The following SEMA6D variants were observed in gnomAD, a reference collection of about 807,000 sequenced individuals.
The protein encoded by SEMA6D is semaphorin-6D.
Under a neutral mutation model 106.6 loss-of-function variants are expected in SEMA6D, and 35 were observed. The ratio of observed to expected loss-of-function variants is 0.33; its 90% CI spans 0.25 to 0.44. The LOEUF is 0.44. SEMA6D is among the 20% of genes least tolerant of loss of function. The pLI is 1.00. For synonymous variants in SEMA6D, 499 were observed against 487.7 expected (o/e 1.02, Z -0.31); for missense variants, 1,185 against 1,345.9 (o/e 0.88, Z 1.87).
At chr15:47,750,732 T>C (rs2081384225) in intron 1 of SEMA6D, among the ~76,000 whole-genome samples, 1 of 152,226 alleles carries the variant, frequency 6.6e-6, no homozygotes, top group African/African-American at 2.4e-5. Context: ...AGAAGCCTCT[T>C]CCTCTAACCT....
intron 1 of SEMA6D, among the ~76,000 whole-genome samples, chr15:47,266,784 G>A (rs758135823): frequency 1.3e-5 from 2 of 152,048 alleles, no homozygotes; most frequent in Non-Finnish European, 2.9e-5. Context: ...TGCACTGTCT[G>A]GATTGGAATT....
chr15:47,225,766 G>A (rs575663873), intron 1 of SEMA6D, among the ~76,000 whole-genome samples: 1 of 152,036 alleles, frequency 6.6e-6, no homozygotes, highest in East Asian at 1.9e-4. Context: ...CTGACCTCAG[G>A]TAATCCGCCC....
At chr15:47,451,546 G>T (rs762885787) in intron 2 of SEMA6D, among the ~76,000 whole-genome samples, 3 of 151,984 alleles carry the variant, frequency 2.0e-5, no homozygotes, top group African/African-American at 7.2e-5. Context: ...ATCAGAAAAT[G>T]ACTTTGGGGA....
chr15:47,595,483 CTTG>C (rs547980808), intron 3 of SEMA6D, among the ~76,000 whole-genome samples: 194 of 152,134 alleles, frequency 1.3e-3, no homozygotes, highest in African/African-American at 4.5e-3. Flanking sequence ...TACTAGTACT[CTTG>C]TTGTTGTTGA....
chr15:47,558,364 C>T (rs2045974831), intron 3 of SEMA6D, among the ~76,000 whole-genome samples: 1 of 151,912 alleles, frequency 6.6e-6, no homozygotes, highest in South Asian at 2.1e-4. Flanking sequence ...AGCTGATGCT[C>T]ATATTTAATA....
At chr15:47,765,217 T>C in intron 13 of SEMA6D, 161 bp downstream of exon 13, 2 of 1,411,202 alleles carry the variant, frequency 1.4e-6, no homozygotes, top group Non-Finnish European at 1.8e-6. Flanking sequence ...TTTGTTTTTT[T>C]CCCGAGCCTG....
intron 3 of SEMA6D, among the ~76,000 whole-genome samples, chr15:47,582,378 C>T (rs922172928): frequency 2.0e-5 from 3 of 152,200 alleles, no homozygotes; most frequent in Non-Finnish European, 4.4e-5. Flanking sequence ...GATGGATTGA[C>T]ACTTGTTCTT....
chr15:47,445,444 AC>A (rs1183307400), intron 2 of SEMA6D, among the ~76,000 whole-genome samples: 5 of 151,878 alleles, frequency 3.3e-5, no homozygotes, highest in Non-Finnish European at 7.4e-5. Context: ...AACAATACAT[AC>A]CCATCATCCC....
At chr15:47,599,289 T>C (rs973520648) in intron 3 of SEMA6D, among the ~76,000 whole-genome samples, 1 of 152,126 alleles carries the variant, frequency 6.6e-6, no homozygotes, top group African/African-American at 2.4e-5. Flanking sequence ...GTAACTCCCC[T>C]CACTTCATTC....
intron 1 of SEMA6D, among the ~76,000 whole-genome samples, chr15:47,373,066 C>T (rs1327724824): frequency 6.6e-6 from 1 of 152,178 alleles, no homozygotes; most frequent in African/African-American, 2.4e-5. Flanking sequence ...TTTCAGAGAG[C>T]TTCATTGCCA....
intron 1 of SEMA6D, among the ~76,000 whole-genome samples, chr15:47,220,381 T>G (rs1408984742): frequency 2.0e-5 from 3 of 152,200 alleles, no homozygotes; most frequent in Non-Finnish European, 4.4e-5. Flanking sequence ...AATGGTTTAT[T>G]TGTAATATTT....
chr15:47,597,796 T>G (rs1216781307), intron 3 of SEMA6D, among the ~76,000 whole-genome samples: 11 of 151,056 alleles, frequency 7.3e-5, no homozygotes, highest in African/African-American at 2.7e-4. Context: ...GATAACTATT[T>G]AAGTTGATGG....
chr15:47,313,452 T>C (rs1161956334), intron 1 of SEMA6D, among the ~76,000 whole-genome samples: 1 of 152,236 alleles, frequency 6.6e-6, no homozygotes, highest in African/African-American at 2.4e-5. Flanking sequence ...GCTTGATAGC[T>C]ATTTTTTAGT....
intron 1 of SEMA6D, among the ~76,000 whole-genome samples, chr15:47,249,991 G>A (rs1461457805): frequency 2.6e-5 from 4 of 152,184 alleles, no homozygotes; most frequent in South Asian, 4.2e-4. Context: ...AAATAAGGTG[G>A]TATTTCATCT....
chr15:47,669,178 G>C (rs1216610606), intron 4 of SEMA6D, among the ~76,000 whole-genome samples: 1 of 151,970 alleles, frequency 6.6e-6, no homozygotes, highest in East Asian at 1.9e-4. Flanking sequence ...CATTTTTATA[G>C]TACCACTTCT....
intron 1 of SEMA6D, among the ~76,000 whole-genome samples, chr15:47,196,025 AT>A (rs11432969): frequency 1.4e-4 from 20 of 147,150 alleles, no homozygotes; most frequent in South Asian, 6.5e-4. Flanking sequence ...AAAGTTTCAG[AT>A]TTTTTTTTTT....
At chr15:47,348,710 CACACACACCACACACACAGAGAGAG>C (rs2038158260) in intron 1 of SEMA6D, among the ~76,000 whole-genome samples, 1 of 94,878 alleles carries the variant, frequency 1.1e-5, no homozygotes. Flanking sequence ...CACACACACA[CACACACACCACACACACAGAGAGAG>C]AGAGAGAGAG....
chr15:47,222,221 C>T (rs577527518), intron 1 of SEMA6D, among the ~76,000 whole-genome samples: 14 of 152,310 alleles, frequency 9.2e-5, no homozygotes, highest in Non-Finnish European at 1.9e-4. Context: ...TAGGAATAGA[C>T]ATCCTACAGA....
intron 1 of SEMA6D, among the ~76,000 whole-genome samples, chr15:47,754,835 CT>C (rs1422008543): frequency 6.6e-6 from 1 of 152,014 alleles, no homozygotes; most frequent in Non-Finnish European, 1.5e-5. Context: ...ATATTTCTGT[CT>C]GATAATTTCT....
Sources: allele counts gnomAD v4.1 joint callset (sites outside exome capture counted in the v4.1 genomes callset), GRCh38; gene constraint gnomAD v4.1.1; transcripts MANE v1.5; gene names NCBI Gene and HGNC (gene_info 2026-07-23, HGNC 2026-07-21).